Variants in ANKRD18B observed in about 807,000 individuals in gnomAD.
ANKRD18B encodes ankyrin repeat domain-containing protein 18B.
In ANKRD18B, 75 loss-of-function variants were observed where a neutral mutation model predicts 111.8. The ratio of observed to expected loss-of-function variants is 0.67; its 90% CI spans 0.56 to 0.81. ANKRD18B has a LOEUF of 0.81. Among genes scored for constraint, ANKRD18B ranks in the 40% least tolerant of loss-of-function variants. ANKRD18B has a pLI of 0.00. For synonymous variants in ANKRD18B, 356 were observed against 417.3 expected (o/e 0.85, Z 1.79); for missense variants, 1,038 against 1,225.5 (o/e 0.85, Z 2.28).
intron 16 of ANKRD18B, among the ~76,000 whole-genome samples, chr9:33,567,962 A>T (rs1430815960): frequency 2.0e-5 from 3 of 152,258 alleles, no homozygotes; most frequent in Non-Finnish European, 4.4e-5. Flanking sequence ...AGGCAGAAAG[A>T]ACAAGCCCCA....
chr9:33,562,049 C>G (rs1204007702), intron 14 of ANKRD18B, among the ~76,000 whole-genome samples: 1 of 152,024 alleles, frequency 6.6e-6, no homozygotes, highest in African/African-American at 2.4e-5. Context: ...CTTACTTACT[C>G]TAAGACATGA....
At chr9:33,556,251 A>G (rs1275916530) in intron 13 of ANKRD18B, among the ~76,000 whole-genome samples, 1 of 152,168 alleles carries the variant, frequency 6.6e-6, no homozygotes, top group Admixed American at 6.6e-5. Flanking sequence ...CCAAAACATT[A>G]CACCTATTTT....
intron 6 of ANKRD18B, among the ~76,000 whole-genome samples, chr9:33,537,560 AATT>A (rs1828219911): frequency 1.3e-5 from 2 of 152,148 alleles, no homozygotes; most frequent in African/African-American, 4.8e-5. Context: ...TTTCCTCTGT[AATT>A]ACATTGTTAC....
intron 1 of ANKRD18B, among the ~76,000 whole-genome samples, chr9:33,527,676 T>A (rs532535033): frequency 3.9e-5 from 6 of 152,212 alleles, no homozygotes; most frequent in Non-Finnish European, 8.8e-5. Flanking sequence ...AATATGTTGT[T>A]ATTTCAGTGC....
At chr9:33,530,925 A>G (rs767883043) in intron 3 of ANKRD18B, among the ~76,000 whole-genome samples, 8 of 152,204 alleles carry the variant, frequency 5.3e-5, no homozygotes, top group South Asian at 4.1e-4. Flanking sequence ...GTGATTATGT[A>G]TCAACAAATG....
rs183029353 is a variant in ANKRD18B at position 33,528,038 on chromosome 9, C to G, written c.207-689C>G. Among the ~76,000 whole-genome samples, 403 of 152,292 alleles carry G rather than the reference C, an allele frequency of 2.6e-3. 2 individuals are homozygous for G. The highest frequency in any genetic ancestry group is 2.1e-3 in the Non-Finnish European group (140 of 68,040). On this transcript the variant is annotated intron_variant, in intron 1 of 18. Coordinates refer to ENST00000684830, the MANE Select transcript of ANKRD18B (RefSeq NM_001393611.1). ...CGTCTGGCTGGGTGCGTGGCTCACA[C>G]CTGTCATTCTAGAACTTTGGAAGGC...
intron 15 of ANKRD18B, 55 bp from the exon 16 acceptor site, chr9:33,567,048 A>C (rs1322963894): frequency 2.0e-6 from 3 of 1,475,990 alleles, no homozygotes; most frequent in East Asian, 2.5e-5. Flanking sequence ...GGCAACAAAC[A>C]TATGGTAATT....
Position 33,555,730 on chromosome 9 carries a change from T to C in ANKRD18B, c.2240T>C (p.Phe747Ser). 3.5e-6 allele frequency: 5 copies of C among 1,419,542 alleles called. No homozygotes were observed. The highest frequency in any genetic ancestry group is 4.6e-6 in the Non-Finnish European group (5 of 1,087,094). 87.9% of individuals were successfully genotyped at this position (1,419,542 alleles called of 1,614,324 possible). A position where few individuals can be genotyped will look rare whatever the true frequency, so the allele number is the denominator to read the frequency against. The change falls in exon 13 of 19, where the codon TTC becomes TCC. Residue 747 changes from phenylalanine (F) to serine (S), a missense_variant. By Grantham distance (155) the Phe-to-Ser change is radical (BLOSUM62 -2). This residue lies in a region of ANKRD18B where 524 missense variants were observed against 677.9 expected (regional missense o/e 0.77). Coordinates refer to ENST00000684830, the MANE Select transcript of ANKRD18B (RefSeq NM_001393611.1). ...AAGCCTGAAGAAAAACATGAAGAATTCAGAAAAGTTTTTGAATTAATATCA... is the reference window on the plus strand; with the variant it reads ...AAGCCTGAAGAAAAACATGAAGAATCCAGAAAAGTTTTTGAATTAATATCA... ...EIQPEEKHEE[F>S]RKVFELISLL... is the part of the protein sequence containing the mutation.
chr9:33,566,295 A>T lies in ANKRD18B; in HGVS notation c.2537A>T (p.His846Leu). The T allele has an allele frequency of 6.4e-7, 1 of 1,561,204 alleles. No homozygotes were observed. The highest frequency in any genetic ancestry group is 1.2e-5 in the South Asian group (1 of 85,774). The change falls in exon 15 of 19, where the codon CAT becomes CTT. Residue 846 changes from histidine (H) to leucine (L), a missense_variant. His to Leu is a moderately conservative substitution (Grantham distance 99, BLOSUM62 -3). This residue lies in a region of ANKRD18B where 524 missense variants were observed against 677.9 expected (regional missense o/e 0.77). Coordinates refer to ENST00000684830, the MANE Select transcript of ANKRD18B (RefSeq NM_001393611.1). ...VNLAKDNEVL[H>L]QELLSMGKVQ... Reference sequence around the variant, plus strand: ...TTGGCCAAAGACAATGAAGTTCTTCATCAGGAGTTATTATCTATGGGAAAA... The same window carrying T: ...TTGGCCAAAGACAATGAAGTTCTTCTTCAGGAGTTATTATCTATGGGAAAA...
intron 12 of ANKRD18B, among the ~76,000 whole-genome samples, chr9:33,555,449 G>A (rs565296532): frequency 1.6e-4 from 24 of 152,272 alleles, no homozygotes; most frequent in African/African-American, 5.5e-4. Context: ...AGTACTTTAT[G>A]TGTAAAAACT....
At chr9:33,572,142 T>A in intron 18 of ANKRD18B, 174 bp from the exon 19 acceptor site, 1 of 598,288 alleles carries the variant, frequency 1.7e-6, no homozygotes, top group Non-Finnish European at 2.9e-6. Flanking sequence ...TTAACCACAA[T>A]TAGAATTAGT....
At chr9:33,548,931 T>C in intron 11 of ANKRD18B, 76 bp downstream of exon 11, 3 of 1,287,756 alleles carry the variant, frequency 2.3e-6, no homozygotes, top group Non-Finnish European at 3.1e-6. Flanking sequence ...TGAACGTAGT[T>C]CAATATAAAA....
chr9:33,541,329 A>G (rs1828276532), intron 9 of ANKRD18B, 102 bp downstream of exon 9: 8 of 1,438,738 alleles, frequency 5.6e-6, no homozygotes, highest in South Asian at 1.5e-5. Flanking sequence ...TCACAAATCC[A>G]TGGAGTACAT....
chr9:33,525,404 C>T (rs1362830373), intron 1 of ANKRD18B, among the ~76,000 whole-genome samples: 3 of 151,966 alleles, frequency 2.0e-5, no homozygotes, highest in African/African-American at 7.3e-5. Context: ...AAGATATATA[C>T]ATAGGGATTG....
At chr9:33,575,101 G>A (rs920536059), downstream of ANKRD18B, among the ~76,000 whole-genome samples, 1 of 152,192 alleles carries the variant, frequency 6.6e-6, no homozygotes, top group African/African-American at 2.4e-5. Flanking sequence ...GGCAGCTACT[G>A]AGGGTAATAC....
chr9:33,533,603 T>C (rs507477), intron 4 of ANKRD18B, 58 bp downstream of exon 4: 7 of 1,486,548 alleles, frequency 4.7e-6, no homozygotes, highest in Non-Finnish European at 6.2e-6. Flanking sequence ...TGTTCTAGAG[T>C]GGTAACAGTC....
chr9:33,558,299 C>T (rs1046886572), intron 14 of ANKRD18B, 112 bp downstream of exon 14: 9 of 1,236,160 alleles, frequency 7.3e-6, no homozygotes, highest in African/African-American at 1.5e-5. Flanking sequence ...CGTATCAATC[C>T]ATCACCTAGG....
chr9:33,533,513 G>C lies in ANKRD18B; in HGVS notation c.570G>C (p.Gln190His), dbSNP rs757577172. The change falls in exon 4 of 19, where the codon CAG becomes CAC. Residue 190 changes from glutamine to histidine, a missense_variant. Physicochemically the swap from Gln to His is conservative, Grantham distance 24 (BLOSUM62 0). Coordinates refer to ENST00000684830, the MANE Select transcript of ANKRD18B (RefSeq NM_001393611.1). ...TGGTGGAATTTTTATTGAAGAACCA[G>C]GCAAATATACATGCCGTTGACAATT... ...QHMVEFLLKNQANIHAVDNFK... is the reference protein window; with the variant it reads ...QHMVEFLLKNHANIHAVDNFK... 38 of 1,531,226 alleles carry C rather than the reference G, an allele frequency of 2.5e-5. No individual in the cohort carries two copies. Among genetic ancestry groups the C allele is most frequent in the Middle Eastern group, 3.4e-4 (2 of 5,882 alleles). The allele number at this position is 1,531,226 out of a possible 1,614,324, so 94.9% of individuals were successfully genotyped here. A position where few individuals can be genotyped will look rare whatever the true frequency, so the allele number is the denominator to read the frequency against.
intron 7 of ANKRD18B, 24 bp downstream of exon 7, chr9:33,539,526 T>C (rs1177613402): frequency 6.4e-6 from 1 of 155,446 alleles, no homozygotes; most frequent in East Asian, 1.9e-4. Context: ...GTGAACTTTG[T>C]AGAGTTTATG....
Sources: gnomAD v4.1 joint callset for allele counts (sites outside exome capture counted in the v4.1 genomes callset) on GRCh38, gnomAD v4.1.1 for gene constraint, gnomAD v4.1.1 regional missense constraint, MANE v1.5 for transcripts, NCBI Gene and HGNC (gene_info 2026-07-23, HGNC 2026-07-21) for gene names.